RANBP9: variants seen among roughly 807,000 people sequenced by gnomAD.
The protein encoded by RANBP9 is ran-binding protein 9.
RANBP9 carries 15 observed loss-of-function variants against 84.3 expected under a neutral mutation model. The observed-to-expected ratio is 0.18, with a 90% CI of 0.12 to 0.27. The LOEUF is 0.27. RANBP9 is among the 10% of genes least tolerant of loss of function. RANBP9 has a pLI of 1.00. For missense variants in RANBP9, 809 were observed against 912.8 expected, an observed-to-expected ratio of 0.89 and a Z score of 1.46; for synonymous variants, 392 against 349.6, an observed-to-expected ratio of 1.12 and a Z score of -1.35.
chr6:13,681,241 A>G (rs991373409), intron 2 of RANBP9, among the ~76,000 whole-genome samples: 7 of 152,080 alleles, frequency 4.6e-5, no homozygotes, highest in Admixed American at 6.5e-5. Flanking sequence ...AAGACAGATC[A>G]GTGGTTGTGA....
At position 13,658,816 on chromosome 6, in the gene RANBP9, G is replaced by T. The variant is rs1197687073; in HGVS notation, c.700C>A (p.Leu234Ile). 6.3e-7 allele frequency: 1 copy of T among 1,576,928 alleles called. No homozygotes were observed. The highest frequency in any genetic ancestry group is 8.7e-7 in the Non-Finnish European group (1 of 1,146,502). ...KGRDGYMGIG[L>I]SAQGVNMNRL... is the part of the protein sequence containing the mutation. ...TTCATGTTCACACCTTGAGCAGAAA[G>T]ACCAATTCCCATGTAACTGTTGGCG... Residue 234 changes from leucine (L) to isoleucine (I), a missense_variant, in exon 3 of 14, where the codon CTT becomes ATT. Physicochemically the swap from Leu to Ile is conservative, Grantham distance 5 (BLOSUM62 2). Coordinates refer to ENST00000011619, the MANE Select transcript of RANBP9 (RefSeq NM_005493.3).
At chr6:13,649,091 G>A (rs1255400591) in intron 5 of RANBP9, among the ~76,000 whole-genome samples, 1 of 152,110 alleles carries the variant, frequency 6.6e-6, no homozygotes, top group Admixed American at 6.5e-5. Context: ...AGGATTCAAT[G>A]GTATGGGTAG....
intron 4 of RANBP9, 23 bp downstream of exon 4, chr6:13,657,086 C>T (rs1765416519): frequency 1.4e-5 from 22 of 1,558,146 alleles, no homozygotes; most frequent in Non-Finnish European, 1.8e-5. Context: ...GGTTATTTTG[C>T]ATGCAATATA....
chr6:13,710,075 T>G (rs1248758810), intron 1 of RANBP9, among the ~76,000 whole-genome samples: 1 of 152,222 alleles, frequency 6.6e-6, no homozygotes, highest in Non-Finnish European at 1.5e-5. Context: ...CAATTCATAA[T>G]TTTATATACA....
At chr6:13,625,477 C>G (rs890948477) in intron 13 of RANBP9, among the ~76,000 whole-genome samples, 176 bp downstream of exon 13, 1 of 152,064 alleles carries the variant, frequency 6.6e-6, no homozygotes, top group Non-Finnish European at 1.5e-5. Flanking sequence ...CTATTTAAAT[C>G]CACTTGAATC....
intron 8 of RANBP9, 116 bp from the exon 9 acceptor site, chr6:13,639,869 T>C: frequency 1.1e-6 from 1 of 871,764 alleles, no homozygotes; most frequent in South Asian, 1.9e-5. Context: ...GATTGGTCTT[T>C]AGTAAGCTAA....
chr6:13,707,136 C>CGA (rs989077084), intron 1 of RANBP9, among the ~76,000 whole-genome samples: 7 of 152,038 alleles, frequency 4.6e-5, no homozygotes, highest in African/African-American at 1.7e-4. Context: ...CAATCCTCCT[C>CGA]CCTCAGCCTC....
rs773285024 is a variant in RANBP9, at chr6:13,695,401, G to GTTT, written c.683+1381_683+1383dup. Among the ~76,000 whole-genome samples, 176 of 84,790 alleles carry GTTT rather than the reference G, an allele frequency of 2.1e-3. 8 individuals are homozygous for GTTT. Among genetic ancestry groups the GTTT allele is most frequent in the African/African-American group, 7.2e-3 (151 of 20,854 alleles). 55.6% of individuals were successfully genotyped at this position (84,790 alleles called of 152,430 possible). A position where few individuals can be genotyped will look rare whatever the true frequency, so the allele number is the denominator to read the frequency against. On this transcript the variant is annotated intron_variant, in intron 2 of 13. Transcript: ENST00000011619. ...GCAATAGTGAAACCACCAACCAAAT[G>GTTT]TTTTTTTTTTTTTTTTTTTTTTTTC...
At chr6:13,624,380 C>T (rs1274852147) in intron 13 of RANBP9, among the ~76,000 whole-genome samples, 1 of 152,152 alleles carries the variant, frequency 6.6e-6, no homozygotes, top group African/African-American at 2.4e-5. Context: ...CCTCATCTTC[C>T]TAAACTAGTT....
At chr6:13,661,489 G>A (rs1765537083) in intron 2 of RANBP9, among the ~76,000 whole-genome samples, 1 of 151,178 alleles carries the variant, frequency 6.6e-6, no homozygotes, top group African/African-American at 2.4e-5. Flanking sequence ...CAGGCATGTG[G>A]GAAAAAAAAT....
At chr6:13,701,354 T>G (rs1292419348) in intron 1 of RANBP9, among the ~76,000 whole-genome samples, 1 of 152,234 alleles carries the variant, frequency 6.6e-6, no homozygotes, top group Non-Finnish European at 1.5e-5. Context: ...CAACAATATT[T>G]TTAGAAATGT....
chr6:13,660,542 G>A (rs1765518673), intron 2 of RANBP9, among the ~76,000 whole-genome samples: 1 of 152,138 alleles, frequency 6.6e-6, no homozygotes, highest in Admixed American at 6.5e-5. Flanking sequence ...ACAAAAAAAG[G>A]AGGACAACCT....
chr6:13,711,438 G>A lies in RANBP9; in HGVS notation c.68C>T (p.Pro23Leu), dbSNP rs1404344699. Residue 23 changes from proline (P) to leucine (L), a missense_variant, in exon 1 of 14, where the codon CCG becomes CTG. Pro to Leu is a moderately conservative substitution (Grantham distance 98, BLOSUM62 -3). Around this residue, in one of 5 missense-constraint regions of RANBP9, gnomAD observed 302 missense variants for 240.1 expected, o/e 1.26. Transcript: ENST00000011619. ...GGAGACTGGGGCCAAGGCCGCCGGC[G>A]GTGGCGGCGACAGCTGCTGCTGCTG... ...QQQQQQLSPP[P>L]PAALAPVSGV... 3 of 1,201,220 alleles carry A rather than the reference G, an allele frequency of 2.5e-6. No homozygotes were observed. Among genetic ancestry groups the A allele is most frequent in the Non-Finnish European group, 2.1e-6 (2 of 967,750 alleles). The allele number at this position is 1,201,220 out of a possible 1,614,324, so 74.4% of individuals were successfully genotyped here.
At chr6:13,654,648 C>G (rs1215189054) in intron 4 of RANBP9, among the ~76,000 whole-genome samples, 1 of 152,168 alleles carries the variant, frequency 6.6e-6, no homozygotes, top group African/African-American at 2.4e-5. Flanking sequence ...GTTCTGCTTT[C>G]CAGGCCATAT....
In RANBP9 at chr6:13,632,374, A is replaced by G; in HGVS notation, c.1943T>C (p.Leu648Ser). Residue 648 changes from leucine (L) to serine (S), a missense_variant, in exon 12 of 14, where the codon TTG (leucine) becomes TCG (serine). Leu to Ser is a moderately radical substitution (Grantham distance 145). Transcript: ENST00000011619. ...TTCAAGAAAAAATATATTCACCTTC[A>G]ACATTTTTTTGTTTGCAGTGTTCTT... is the stretch of plus-strand genomic sequence containing the variant. ...CGKNTANKKM[L>S]KDAFSLLAYS... 1 of 1,606,606 alleles carries G rather than the reference A, an allele frequency of 6.2e-7. No individual in the cohort carries two copies. The highest frequency in any genetic ancestry group is 2.2e-5 in the East Asian group (1 of 44,804).
At chr6:13,679,905 C>T (rs1261716076) in intron 2 of RANBP9, among the ~76,000 whole-genome samples, 1 of 151,908 alleles carries the variant, frequency 6.6e-6, no homozygotes, top group Non-Finnish European at 1.5e-5. Flanking sequence ...AGGAAGTCTC[C>T]AATTTTTAAT....
intron 6 of RANBP9, among the ~76,000 whole-genome samples, chr6:13,643,022 T>G (rs1765101952): frequency 6.6e-6 from 1 of 152,168 alleles, no homozygotes; most frequent in African/African-American, 2.4e-5. Context: ...AGATTAACTC[T>G]TAATGTTCCA....
At chr6:13,644,314 T>A (rs995827173) in intron 6 of RANBP9, among the ~76,000 whole-genome samples, 1 of 152,212 alleles carries the variant, frequency 6.6e-6, no homozygotes, top group African/African-American at 2.4e-5. Context: ...ATTTCCTTCA[T>A]CAAATTAATT....
chr6:13,678,713 T>C (rs1405312529), intron 2 of RANBP9, among the ~76,000 whole-genome samples: 2 of 152,174 alleles, frequency 1.3e-5, no homozygotes, highest in Non-Finnish European at 2.9e-5. Flanking sequence ...CCGTGGCTCC[T>C]GTCTTCTGCT....
Sources: gnomAD v4.1 joint callset for allele counts (sites outside exome capture counted in the v4.1 genomes callset) on GRCh38, gnomAD v4.1.1 for gene constraint, gnomAD v4.1.1 regional missense constraint, MANE v1.5 for transcripts, NCBI Gene and HGNC (gene_info 2026-07-23, HGNC 2026-07-21) for gene names.